The following DRC11 variants were observed in gnomAD, a reference collection of about 807,000 sequenced individuals.
The protein encoded by DRC11 is dynein regulatory complex subunit 11, also known as IQ and AAA domain-containing protein 1.
the DRC11 span, among the ~76,000 whole-genome samples, chr2:236,505,665 C>T: frequency 1.3e-5 from 2 of 152,308 alleles, no homozygotes; most frequent in Non-Finnish European, 2.9e-5. Context: ...TTCCAGGCCA[C>T]CTCCAGAGCA....
At chr2:236,485,356 C>T in the DRC11 span, among the ~76,000 whole-genome samples, 27 of 152,144 alleles carry the variant, frequency 1.8e-4, no homozygotes, top group Admixed American at 7.9e-4. Context: ...ATTAGCCTCA[C>T]CAGGGCTCTG....
the DRC11 span, among the ~76,000 whole-genome samples, chr2:236,486,320 C>T: frequency 6.6e-6 from 1 of 152,162 alleles, no homozygotes; most frequent in Non-Finnish European, 1.5e-5. The surrounding 1 kb of genome is among the most constrained non-coding windows in gnomAD (Gnocchi z 5.7). Context: ...AGGGGAGGAC[C>T]TAGTTAAGGT....
the DRC11 span, chr2:236,368,149 C>T: frequency 4.4e-5 from 52 of 1,168,850 alleles, 1 homozygote; most frequent in South Asian, 9.1e-5. Flanking sequence ...GCAAGCGGTG[C>T]AAGCTGCTTT....
At chr2:236,339,121 A>C in the DRC11 span, among the ~76,000 whole-genome samples, 1 of 152,176 alleles carries the variant, frequency 6.6e-6, no homozygotes, top group Non-Finnish European at 1.5e-5. Context: ...CTTCCCAAGC[A>C]CAGTCGAGGC....
At chr2:236,341,381 G>A in the DRC11 span, among the ~76,000 whole-genome samples, 10 of 152,232 alleles carry the variant, frequency 6.6e-5, no homozygotes, top group Non-Finnish European at 1.2e-4. Flanking sequence ...GGAGAAAGGA[G>A]CGGGCCTGGT....
At chr2:236,380,480 G>C in the DRC11 span, 1 of 957,930 alleles carries the variant, frequency 1.0e-6, no homozygotes, top group Admixed American at 2.0e-5. This position sits in a 1 kb window ranked among gnomAD's most constrained non-coding sequence, Gnocchi z 4.9. Flanking sequence ...AAGAGGGCGT[G>C]GCATCACAGA....
chr2:236,402,348 G>A, the DRC11 span, among the ~76,000 whole-genome samples: 19 of 152,308 alleles, frequency 1.2e-4, no homozygotes, highest in South Asian at 2.1e-4. This position sits in a 1 kb window ranked among gnomAD's most constrained non-coding sequence, Gnocchi z 6.0. Context: ...CTATTCCCCT[G>A]TGAATCCACC....
At chr2:236,459,113 C>T in the DRC11 span, among the ~76,000 whole-genome samples, 15 of 152,180 alleles carry the variant, frequency 9.9e-5, no homozygotes, top group African/African-American at 3.6e-4. Context: ...GCTTTAGCAT[C>T]TGTAATACAT....
chr2:236,392,476 A>G, the DRC11 span: 1 of 529,414 alleles, frequency 1.9e-6, no homozygotes, highest in South Asian at 3.2e-5. This position sits in a 1 kb window ranked among gnomAD's most constrained non-coding sequence, Gnocchi z 5.1. Flanking sequence ...CTAACTTTAT[A>G]TGTTATTGCA....
At chr2:236,403,016 G>A in the DRC11 span, among the ~76,000 whole-genome samples, 8 of 151,812 alleles carry the variant, frequency 5.3e-5, no homozygotes, top group Non-Finnish European at 8.8e-5. Context: ...CAATGTTATT[G>A]TCTATTATTG....
the DRC11 span, among the ~76,000 whole-genome samples, chr2:236,445,893 C>T: frequency 6.6e-6 from 1 of 152,158 alleles, no homozygotes; most frequent in East Asian, 1.9e-4. The surrounding 1 kb of genome is among the most constrained non-coding windows in gnomAD (Gnocchi z 4.8). Flanking sequence ...GCTCACTGCA[C>T]TCCATCTGTC....
the DRC11 span, among the ~76,000 whole-genome samples, chr2:236,435,439 T>G: frequency 3.3e-5 from 5 of 152,240 alleles, no homozygotes; most frequent in Non-Finnish European, 2.9e-5. Flanking sequence ...CTGATGCCGG[T>G]ATTAGTCCAT....
chr2:236,487,927 G>T, the DRC11 span: 2 of 1,038,696 alleles, frequency 1.9e-6, no homozygotes, highest in Non-Finnish European at 2.6e-6. Context: ...TTGAAGCTCA[G>T]CCCCAAAATT....
chr2:236,390,806 T>G, the DRC11 span, among the ~76,000 whole-genome samples: 2 of 151,782 alleles, frequency 1.3e-5, no homozygotes, highest in African/African-American at 2.4e-5. This position sits in a 1 kb window ranked among gnomAD's most constrained non-coding sequence, Gnocchi z 5.9. Context: ...CTGATTTTTG[T>G]GGGTGGGCCT....
the DRC11 span, among the ~76,000 whole-genome samples, chr2:236,307,977 A>AGGCGTCCTCGTGTGCTTGCAGTGACG: frequency 7.6e-6 from 1 of 130,894 alleles, no homozygotes; most frequent in Admixed American, 8.6e-5. The surrounding 1 kb of genome is among the most constrained non-coding windows in gnomAD (Gnocchi z 7.0). Context: ...TTGCAGTGAC[A>AGGCGTCCTCGTGTGCTTGCAGTGACG]CAAGCGTCCT....
the DRC11 span, chr2:236,343,869 T>A: frequency 3.3e-6 from 2 of 602,684 alleles, no homozygotes; most frequent in Non-Finnish European, 5.6e-6. The surrounding 1 kb of genome is among the most constrained non-coding windows in gnomAD (Gnocchi z 6.6). Context: ...CTTCCACTCT[T>A]TATCCAAATC....
At chr2:236,355,168 G>A in the DRC11 span, among the ~76,000 whole-genome samples, 1 of 152,196 alleles carries the variant, frequency 6.6e-6, no homozygotes, top group Non-Finnish European at 1.5e-5. Context: ...CAGAGGCCTC[G>A]TTGGCCGTAC....
chr2:236,444,772 A>G, the DRC11 span, among the ~76,000 whole-genome samples: 1 of 152,118 alleles, frequency 6.6e-6, no homozygotes, highest in Admixed American at 6.6e-5. Flanking sequence ...CATCCATCAA[A>G]CCTTTCATTC....
At chr2:236,369,049 T>C in the DRC11 span, 1 of 152,368 alleles carries the variant, frequency 6.6e-6, no homozygotes, top group African/African-American at 2.4e-5. This position sits in a 1 kb window ranked among gnomAD's most constrained non-coding sequence, Gnocchi z 4.5. Context: ...TAGGTTCATA[T>C]GATTCTCTCT....
Sources: allele counts gnomAD v4.1 joint callset (sites outside exome capture counted in the v4.1 genomes callset), GRCh38; gene constraint gnomAD v4.1.1; non-coding constraint Gnocchi (gnomAD v3.1); transcripts MANE v1.5; gene names NCBI Gene and HGNC (gene_info 2026-07-23, HGNC 2026-07-21).